NALCN: variants seen among roughly 807,000 people sequenced by gnomAD.
The protein encoded by NALCN is sodium leak channel NALCN.
NALCN carries 111 observed loss-of-function variants against 225.3 expected under a neutral mutation model. That is an observed-to-expected ratio of 0.49 (90% confidence interval 0.42 to 0.58). The LOEUF is 0.58. NALCN is among the 20% of genes least tolerant of loss of function. The pLI, the probability that NALCN is intolerant of heterozygous loss-of-function variation, is 0.00. For missense variants in NALCN, 1,378 were observed against 2,202.4 expected (o/e 0.63, Z 7.49); for synonymous variants, 764 against 769.0 (o/e 0.99, Z 0.11).
intron 11 of NALCN, among the ~76,000 whole-genome samples, chr13:101,249,357 G>A (rs1293691622): frequency 6.6e-6 from 1 of 152,096 alleles, no homozygotes; most frequent in Non-Finnish European, 1.5e-5. Flanking sequence ...GCCCTAGATG[G>A]TGTTCCAGAG....
At chr13:101,273,957 G>A (rs908396510) in intron 10 of NALCN, among the ~76,000 whole-genome samples, 2 of 151,814 alleles carry the variant, frequency 1.3e-5, no homozygotes, top group African/African-American at 4.8e-5. Context: ...CATTAATCAG[G>A]GAGATCAGGG....
intron 15 of NALCN, among the ~76,000 whole-genome samples, chr13:101,173,809 T>C (rs376513511): frequency 6.6e-6 from 1 of 152,236 alleles, no homozygotes; most frequent in African/African-American, 2.4e-5. Context: ...ACTGGATTTG[T>C]ACATGGACAA....
At chr13:101,129,882 C>G (rs758632523) in intron 17 of NALCN, among the ~76,000 whole-genome samples, 8 of 151,884 alleles carry the variant, frequency 5.3e-5, no homozygotes, top group Non-Finnish European at 1.2e-4. Context: ...GCCCCCCACC[C>G]CGATAGCACC....
intron 36 of NALCN, 60 bp downstream of exon 36, chr13:101,074,454 A>T (rs1466474710): frequency 4.9e-6 from 7 of 1,417,850 alleles, no homozygotes; most frequent in Non-Finnish European, 5.6e-6. Flanking sequence ...TTGTTTATTT[A>T]AAATTTTATT....
intron 7 of NALCN, among the ~76,000 whole-genome samples, chr13:101,310,386 G>C (rs141177237): frequency 6.6e-6 from 1 of 152,214 alleles, no homozygotes; most frequent in African/African-American, 2.4e-5. Context: ...GAGGAGGAGA[G>C]CATGGGGCAT....
chr13:101,227,656 T>A (rs1265787953), intron 13 of NALCN, among the ~76,000 whole-genome samples: 1 of 152,164 alleles, frequency 6.6e-6, no homozygotes, highest in Non-Finnish European at 1.5e-5. Flanking sequence ...CCCTCCCCTG[T>A]ATGTAAGCCC....
chr13:101,372,914 A>T (rs56296901), intron 6 of NALCN, among the ~76,000 whole-genome samples: 32,642 of 152,004 alleles, frequency 0.21, 3,652 homozygotes, highest in Non-Finnish European at 0.24. Context: ...TGTGAAAAGA[A>T]TAATACAATT....
intron 6 of NALCN, among the ~76,000 whole-genome samples, chr13:101,368,199 T>C (rs561197570): frequency 1.3e-3 from 184 of 137,144 alleles, no homozygotes; most frequent in South Asian, 4.7e-3. Context: ...TTCTCCTTCC[T>C]GTATCCATGT....
chr13:101,080,554 CATAAATA>C (rs1289225576), intron 34 of NALCN, among the ~76,000 whole-genome samples: 2 of 140,600 alleles, frequency 1.4e-5, no homozygotes, highest in East Asian at 4.0e-4. Context: ...AATAATTATA[CATAAATA>C]ATTATAACCA....
At chr13:101,144,020 T>A (rs1023903182) in intron 16 of NALCN, among the ~76,000 whole-genome samples, 4 of 152,234 alleles carry the variant, frequency 2.6e-5, no homozygotes, top group Non-Finnish European at 5.9e-5. Flanking sequence ...TCTACCCGAA[T>A]TTTAAATATT....
chr13:101,103,228 GC>G lies in NALCN; in HGVS notation c.3000del (p.Gln1002ArgfsTer2). 6.2e-7 allele frequency: 1 copy of G among 1,613,894 alleles called. No homozygotes were observed. Among genetic ancestry groups the G allele is most frequent in the Non-Finnish European group, 8.5e-7 (1 of 1,179,884 alleles). ...CLRPLRIFKLVPQMRKVVREL... is the reference protein window; with the variant it reads ...CLRPLRIFKLXPQMRKVVREL... ...TCTCGAACAACTTTCCTCATCTGGG[GC>G]ACCAGTTTGAATATGCGCAGAGGTC... On this transcript the variant is annotated frameshift_variant, in exon 26 of 44. Transcript: ENST00000251127. LOFTEE classifies it high-confidence loss of function.
chr13:101,383,372 A>C (rs1439560848), intron 3 of NALCN, among the ~76,000 whole-genome samples: 2 of 152,042 alleles, frequency 1.3e-5, no homozygotes, highest in Non-Finnish European at 2.9e-5. Flanking sequence ...TCCTACTTAA[A>C]TCTTCTCTGA....
At chr13:101,304,002 T>C (rs993059321) in intron 7 of NALCN, among the ~76,000 whole-genome samples, 7 of 152,166 alleles carry the variant, frequency 4.6e-5, no homozygotes, top group Middle Eastern at 3.2e-3. Flanking sequence ...TTTTATTTAA[T>C]TCACTATTCA....
At chr13:101,387,193 AGTCCG>A (rs2047015357) in intron 3 of NALCN, among the ~76,000 whole-genome samples, 2 of 135,148 alleles carry the variant, frequency 1.5e-5, no homozygotes, top group African/African-American at 2.8e-5. Context: ...TGCAGTCCGC[AGTCCG>A]GCCTGGGCGA....
intron 15 of NALCN, among the ~76,000 whole-genome samples, chr13:101,165,677 C>T (rs1236877130): frequency 4.6e-5 from 7 of 152,162 alleles, no homozygotes; most frequent in East Asian, 1.9e-4. Context: ...GGTGTTGCCA[C>T]GTTGCGCAGG....
intron 10 of NALCN, among the ~76,000 whole-genome samples, chr13:101,279,129 C>A (rs2043062928): frequency 6.6e-6 from 1 of 152,108 alleles, no homozygotes; most frequent in Admixed American, 6.6e-5. Flanking sequence ...TAATTATATC[C>A]TTAATTTATT....
At chr13:101,174,378 G>A (rs1411259075) in intron 15 of NALCN, among the ~76,000 whole-genome samples, 1 of 152,148 alleles carries the variant, frequency 6.6e-6, no homozygotes, top group Non-Finnish European at 1.5e-5. Flanking sequence ...TATCTAGCAA[G>A]TGATTAAAAG....
intron 15 of NALCN, among the ~76,000 whole-genome samples, chr13:101,163,709 G>A (rs540537512): frequency 5.9e-5 from 9 of 152,194 alleles, no homozygotes; most frequent in South Asian, 4.2e-4. Context: ...AGAAGGGATC[G>A]TTTCTTCTTG....
chr13:101,191,499 C>A (rs2039678504), intron 14 of NALCN, among the ~76,000 whole-genome samples: 1 of 152,058 alleles, frequency 6.6e-6, no homozygotes, highest in African/African-American at 2.4e-5. Flanking sequence ...ACCCTGAGGT[C>A]TATAGCTTCT....
Sources: allele counts gnomAD v4.1 joint callset (sites outside exome capture counted in the v4.1 genomes callset), GRCh38; gene constraint gnomAD v4.1.1; transcripts MANE v1.5; gene names NCBI Gene and HGNC (gene_info 2026-07-23, HGNC 2026-07-21).